Variants in PDE7A observed in about 807,000 individuals in gnomAD.
The protein encoded by PDE7A is phosphodiesterase 7A, also known as high affinity 3',5'-cyclic-AMP phosphodiesterase 7A.
PDE7A carries 39 observed loss-of-function variants against 64.3 expected under a neutral mutation model. The observed-to-expected ratio is 0.61, with a 90% CI of 0.47 to 0.79. The LOEUF (loss-of-function observed/expected upper bound fraction) is 0.79, where lower values mean the gene tolerates loss of function less well. PDE7A is among the 30% of genes least tolerant of loss of function. The pLI is 0.00. For synonymous variants in PDE7A, 203 were observed against 206.8 expected, an observed-to-expected ratio of 0.98 and a Z score of 0.16; for missense variants, 470 against 582.8, an observed-to-expected ratio of 0.81 and a Z score of 1.99.
chr8:65,770,010 C>T lies in PDE7A; in HGVS notation c.283+9710G>A, dbSNP rs997925576. Among the ~76,000 whole-genome samples, 3 of 151,990 alleles carry T rather than the reference C, an allele frequency of 2.0e-5. No homozygotes were observed. The East Asian group carries it at 5.8e-4, about 29-fold the overall frequency. ...TACCATACTCTTAAAAATTTTTGTCCAGAGATAATTTCAAAACACATACAA... is the reference window on the plus strand; with the variant it reads ...TACCATACTCTTAAAAATTTTTGTCTAGAGATAATTTCAAAACACATACAA... On this transcript the variant is annotated intron_variant, in intron 3 of 12. Coordinates refer to ENST00000401827, the MANE Select transcript of PDE7A (RefSeq NM_001242318.3).
chr8:65,738,736 A>G (rs1807263346), intron 6 of PDE7A, among the ~76,000 whole-genome samples: 1 of 152,186 alleles, frequency 6.6e-6, no homozygotes. Context: ...CCTGGCCCCA[A>G]ATAATCTTTA....
chr8:65,793,080 T>C (rs555665901), intron 1 of PDE7A, among the ~76,000 whole-genome samples: 1 of 152,158 alleles, frequency 6.6e-6, no homozygotes, highest in Non-Finnish European at 1.5e-5. Flanking sequence ...TAAAAGCACT[T>C]AGAAAGTCTC....
At chr8:65,748,544 T>C (rs927879316) in intron 3 of PDE7A, among the ~76,000 whole-genome samples, 7 of 152,202 alleles carry the variant, frequency 4.6e-5, no homozygotes, top group African/African-American at 1.4e-4. Flanking sequence ...GTAAAATCTG[T>C]CTTGCAGGGA....
At chr8:65,739,001 T>C (rs1456756187) in intron 6 of PDE7A, among the ~76,000 whole-genome samples, 2 of 152,208 alleles carry the variant, frequency 1.3e-5, no homozygotes, top group Admixed American at 6.5e-5. Flanking sequence ...TGACTTGCTG[T>C]GGCCACTTGC....
intron 3 of PDE7A, among the ~76,000 whole-genome samples, chr8:65,772,053 C>G (rs780557052): frequency 1.1e-4 from 16 of 151,854 alleles, no homozygotes; most frequent in Admixed American, 2.0e-4. Flanking sequence ...ATAGAATAGG[C>G]TATGTAAGCA....
intron 1 of PDE7A, among the ~76,000 whole-genome samples, chr8:65,828,581 T>C (rs1321787919): frequency 6.6e-6 from 1 of 152,134 alleles, no homozygotes; most frequent in Non-Finnish European, 1.5e-5. Flanking sequence ...AGCAAAGTTT[T>C]GCAATTGCCC....
chr8:65,733,337 G>A (rs1439008009), intron 7 of PDE7A, among the ~76,000 whole-genome samples: 1 of 152,186 alleles, frequency 6.6e-6, no homozygotes, highest in Non-Finnish European at 1.5e-5. Context: ...ACCCTTTTGT[G>A]TGCTGCAGAG....
chr8:65,798,095 TGTAA>T (rs1456987781), intron 1 of PDE7A, among the ~76,000 whole-genome samples: 1 of 149,340 alleles, frequency 6.7e-6, no homozygotes, highest in Non-Finnish European at 1.5e-5. Context: ...ATCTGTAGTA[TGTAA>T]GTCTGATAAA....
intron 1 of PDE7A, among the ~76,000 whole-genome samples, chr8:65,829,591 T>C (rs950895599): frequency 1.3e-5 from 2 of 152,080 alleles, no homozygotes; most frequent in African/African-American, 4.8e-5. Context: ...AGATTAAAAG[T>C]TGGAAGAACT....
chr8:65,768,356 G>A (rs1181515233), intron 3 of PDE7A, among the ~76,000 whole-genome samples: 1 of 152,146 alleles, frequency 6.6e-6, no homozygotes, highest in Admixed American at 6.5e-5. Flanking sequence ...TTGTGGGAGG[G>A]ACCTGGTAGG....
chr8:65,808,322 TAATG>T (rs1441885008), intron 1 of PDE7A, among the ~76,000 whole-genome samples: 1 of 152,168 alleles, frequency 6.6e-6, no homozygotes, highest in Admixed American at 6.5e-5. Context: ...AAGTTAATAA[TAATG>T]AATAAGTTAC....
intron 1 of PDE7A, among the ~76,000 whole-genome samples, chr8:65,815,704 AG>A (rs1810384799): frequency 6.6e-6 from 1 of 151,858 alleles, no homozygotes; most frequent in East Asian, 1.9e-4. Context: ...TACATTGCTA[AG>A]ATCCATTGAT....
chr8:65,723,413 A>T, intron 12 of PDE7A, 128 bp downstream of exon 12: 1 of 945,674 alleles, frequency 1.1e-6, no homozygotes, highest in Non-Finnish European at 1.4e-6. Flanking sequence ...CAAGGGTAAA[A>T]TTTCTTAAAT....
chr8:65,788,815 A>C, intron 1 of PDE7A: 1 of 1,114,756 alleles, frequency 9.0e-7, no homozygotes, highest in South Asian at 1.3e-5. Flanking sequence ...AAATCGAGCT[A>C]TTTAATTCCT....
At chr8:65,837,876 G>A (rs996401117) in intron 1 of PDE7A, among the ~76,000 whole-genome samples, 24 of 152,068 alleles carry the variant, frequency 1.6e-4, no homozygotes, top group African/African-American at 5.3e-4. Flanking sequence ...GGCTGTCTCC[G>A]TGTCGGCACT....
chr8:65,724,796 T>C lies in PDE7A; in HGVS notation c.1046A>G (p.His349Arg), dbSNP rs1806541543. The part of the protein sequence containing the change: ...RGDLCLEDTR[H>R]RHLVLQMALK... The stretch of plus-strand genomic sequence containing the variant: ...TTTTACCTGTAAAACCAAATGTCTG[T>C]GTCTGGTGTCTTCTAGGCATAAATC... Residue 349 changes from histidine to arginine, a missense_variant, in exon 10 of 13, where the codon CAC becomes CGC. Coordinates refer to ENST00000401827, the MANE Select transcript of PDE7A (RefSeq NM_001242318.3). The C allele has an allele frequency of 6.2e-7, 1 of 1,608,384 alleles. No individual in the cohort carries two copies. Among genetic ancestry groups the C allele is most frequent in the Non-Finnish European group, 8.5e-7 (1 of 1,177,312 alleles).
chr8:65,803,679 A>G (rs1025015786), intron 1 of PDE7A, among the ~76,000 whole-genome samples: 1 of 152,262 alleles, frequency 6.6e-6, no homozygotes, highest in Non-Finnish European at 1.5e-5. Flanking sequence ...GAAAAGTACA[A>G]AATAGCATAA....
chr8:65,735,157 G>A (rs568521713), intron 6 of PDE7A, among the ~76,000 whole-genome samples: 88 of 152,248 alleles, frequency 5.8e-4, no homozygotes, highest in Non-Finnish European at 1.1e-3. Flanking sequence ...CTACTTGACA[G>A]CCCTAGCAGC....
At chr8:65,798,207 T>TATATA (rs552708184) in intron 1 of PDE7A, among the ~76,000 whole-genome samples, 144 of 15,454 alleles carry the variant, frequency 9.3e-3, no homozygotes, top group African/African-American at 0.028. Flanking sequence ...TATATATATA[T>TATATA]TTTTTTTTTT....
Sources: gnomAD v4.1 joint callset for allele counts (sites outside exome capture counted in the v4.1 genomes callset) on GRCh38, gnomAD v4.1.1 for gene constraint, MANE v1.5 for transcripts, NCBI Gene and HGNC (gene_info 2026-07-23, HGNC 2026-07-21) for gene names.